C2orf81: variants seen among roughly 807,000 people sequenced by gnomAD.
C2orf81 encodes chromosome 2 open reading frame 81.
C2orf81 carries 5 observed loss-of-function variants against 7.9 expected under a neutral mutation model. The observed-to-expected ratio is 0.63, with a 90% CI of 0.33 to 1.33. The LOEUF is 1.33. Among genes scored for constraint, C2orf81 ranks in the 40% most tolerant of loss-of-function variants. The pLI is 0.05. For synonymous variants in C2orf81, 346 were observed against 367.4 expected, an observed-to-expected ratio of 0.94 and a Z score of 0.66; for missense variants, 781 against 830.4, an observed-to-expected ratio of 0.94 and a Z score of 0.73.
chr2:74,417,385 G>C (rs1421006046), intron 1 of C2orf81: 1 of 1,308,730 alleles, frequency 7.6e-7, no homozygotes. Flanking sequence ...GCCTCACCTG[G>C]ACAATAGGTG....
Position 74,415,303 on chromosome 2 carries a change from GT to G in C2orf81, c.873del (p.His292ThrfsTer69). The G allele has an allele frequency of 6.4e-7, 1 of 1,550,470 alleles. No homozygotes were observed. The highest frequency in any genetic ancestry group is 1.2e-5 in the South Asian group (1 of 83,936). On this transcript the variant is annotated frameshift_variant, in exon 3 of 3. Transcript: ENST00000684111. LOFTEE classifies it low-confidence loss of function (END_TRUNC). The surrounding 1 kb of genome is among the most constrained non-coding windows in gnomAD (Gnocchi z 5.5). ...AACGACAAATGGAAGCCGAGGGGGT[GT>G]CCCCTCCCAGTTGAGGCCTGGGGGC... is the stretch of plus-strand genomic sequence containing the variant. ...VASPQASTGR[G>X]HPLGFHLSLE...
intron 1 of C2orf81, among the ~76,000 whole-genome samples, chr2:74,419,570 C>T (rs372055539): frequency 1.7e-4 from 26 of 152,200 alleles, no homozygotes; most frequent in South Asian, 8.3e-4. Context: ...TTTTCACTTC[C>T]TCAACCCTGC....
intron 1 of C2orf81, chr2:74,418,597 G>C (rs1364541922): frequency 1.6e-6 from 1 of 633,264 alleles, no homozygotes; most frequent in Non-Finnish European, 2.8e-6. Context: ...TCGCAAATGC[G>C]GATGCCTTCC....
Position 74,415,015 on chromosome 2 carries a change from G to A in C2orf81, c.1162C>T (p.Pro388Ser). 1 of 1,548,944 alleles carries A rather than the reference G, an allele frequency of 6.5e-7. No homozygotes were observed. The highest frequency in any genetic ancestry group is 8.7e-7 in the Non-Finnish European group (1 of 1,146,120). The change falls in exon 3 of 3, where the codon CCT (proline) becomes TCT (serine). Residue 388 changes from proline to serine, a missense_variant. Pro to Ser is a moderately conservative substitution (Grantham distance 74, BLOSUM62 -1). Coordinates refer to ENST00000684111, the MANE Select transcript of C2orf81 (RefSeq NM_001316764.3). The surrounding 1 kb of genome is among the most constrained non-coding windows in gnomAD (Gnocchi z 5.5). ...PARLPCHWVR[P>S]LAEVLVPDSQ... ...TCTGGGACCAGGACCTCAGCCAGAG[G>A]GCGCACCCAGTGGCACGGGAGCCTC...
intron 1 of C2orf81, 65 bp from the exon 2 acceptor site, chr2:74,416,306 G>C: frequency 8.6e-7 from 1 of 1,167,558 alleles, no homozygotes; most frequent in Non-Finnish European, 1.1e-6. Context: ...AGTAGCTATA[G>C]GCTAGGAGGA....
chr2:74,418,421 A>C, intron 1 of C2orf81: 1 of 1,575,938 alleles, frequency 6.3e-7, no homozygotes, highest in Non-Finnish European at 8.7e-7. Context: ...GGCTGGCTGG[A>C]CTTCGAGCTC....
chr2:74,416,565 C>CAAAAAAAAAAAAAAAAAAAAAAAA (rs59349435), intron 1 of C2orf81: 15 of 52,156 alleles, frequency 2.9e-4, no homozygotes, highest in East Asian at 5.3e-4. Context: ...GACTGCGTCT[C>CAAAAAAAAAAAAAAAAAAAAAAAA]AAAAAAAAAA....
chr2:74,416,387 T>C (rs544514400), intron 1 of C2orf81, 146 bp from the exon 2 acceptor site: 52 of 410,050 alleles, frequency 1.3e-4, no homozygotes, highest in Non-Finnish European at 2.1e-4. Context: ...GACAGATACT[T>C]AGTAGATGTT....
At chr2:74,416,414 A>T (rs1212482308) in intron 1 of C2orf81, 173 bp from the exon 2 acceptor site, 5 of 365,970 alleles carry the variant, frequency 1.4e-5, no homozygotes, top group Non-Finnish European at 2.6e-5. Flanking sequence ...AATAATTTTC[A>T]TTAACAGCCC....
Position 74,414,530 on chromosome 2 carries a change from G to C in C2orf81, c.1647C>G (p.Val549=). 1 of 1,544,314 alleles carries C rather than the reference G, an allele frequency of 6.5e-7. No individual in the cohort carries two copies. Among genetic ancestry groups the C allele is most frequent in the Non-Finnish European group, 8.8e-7 (1 of 1,142,156 alleles). The part of the protein sequence containing the change: ...PGRWPRTTPP[V]LEATSQVMWK... ...ACATCACCTGGGAAGTGGCTTCAAG[G>C]ACCGGGGGTGTGGTTCGAGGCCATC... Residue 549 remains valine (V), a synonymous_variant, in exon 3 of 3, where the codon GTC becomes GTG. Transcript: ENST00000684111. This position sits in a 1 kb window ranked among gnomAD's most constrained non-coding sequence, Gnocchi z 5.3.
chr2:74,420,148 T>A (rs188554007), intron 1 of C2orf81, among the ~76,000 whole-genome samples: 3 of 152,326 alleles, frequency 2.0e-5, no homozygotes, highest in Admixed American at 1.3e-4. Flanking sequence ...ACACATCAAT[T>A]ATGATCTCAT....
At chr2:74,419,615 T>A (rs187677787) in intron 1 of C2orf81, among the ~76,000 whole-genome samples, 7 of 152,336 alleles carry the variant, frequency 4.6e-5, no homozygotes. Context: ...AAAAGGCATT[T>A]TCTGAAATGA....
At position 74,414,936 on chromosome 2, in the gene C2orf81, G is replaced by T. The variant is rs985492592; in HGVS notation, c.1241C>A (p.Thr414Asn). ...AYRGRQRGEK[T>N]KARAEPQALG... ...GGCTTGGGGTTCGGCCCGGGCCTTG[G>T]TCTTCTCGCCCCGCTGGCGTCCGCG... Residue 414 changes from threonine to asparagine, a missense_variant, in exon 3 of 3, where the codon ACC becomes AAC. Coordinates refer to ENST00000684111, the MANE Select transcript of C2orf81 (RefSeq NM_001316764.3). The surrounding 1 kb of genome is among the most constrained non-coding windows in gnomAD (Gnocchi z 5.3). 7 of 1,545,992 alleles carry T rather than the reference G, an allele frequency of 4.5e-6. No homozygotes were observed. Among genetic ancestry groups the T allele is most frequent in the Non-Finnish European group, 6.1e-6 (7 of 1,144,174 alleles).
chr2:74,415,346 A>G lies in C2orf81; in HGVS notation c.831T>C (p.Asp277=). The G allele has an allele frequency of 1.3e-6, 2 of 1,529,306 alleles. No homozygotes were observed. Among genetic ancestry groups the G allele is most frequent in the Admixed American group, 4.2e-5 (2 of 48,174 alleles). The allele number at this position is 1,529,306 out of a possible 1,614,324, so 94.7% of individuals were successfully genotyped here. A position where few individuals can be genotyped will look rare whatever the true frequency, so the allele number is the denominator to read the frequency against. ...APADDADPSL[D]PYLVASPQAS... ...CCTGGGGGCTGGCTACCAGGTACGG[A>G]TCCAGAGAAGGGTCGGCATCGTCGG... Residue 277 remains aspartate, a synonymous_variant, in exon 3 of 3, where the codon GAT becomes GAC. Transcript: ENST00000684111. This position sits in a 1 kb window ranked among gnomAD's most constrained non-coding sequence, Gnocchi z 5.5.
chr2:74,419,671 A>C (rs1234465826), intron 1 of C2orf81, among the ~76,000 whole-genome samples: 1 of 152,274 alleles, frequency 6.6e-6, no homozygotes, highest in African/African-American at 2.4e-5. Context: ...TATTTTTATA[A>C]TAGCAGAATA....
intron 1 of C2orf81, chr2:74,418,082 G>T: frequency 1.6e-6 from 1 of 627,106 alleles, no homozygotes; most frequent in East Asian, 3.3e-5. Context: ...GGAGGTGGGG[G>T]GTTGGGAGCA....
In C2orf81 at chr2:74,415,640, G is replaced by C; in HGVS notation, c.537C>G (p.His179Gln). 1 of 1,551,186 alleles carries C rather than the reference G, an allele frequency of 6.4e-7. No homozygotes were observed. Among genetic ancestry groups the C allele is most frequent in the Non-Finnish European group, 8.7e-7 (1 of 1,146,994 alleles). Residue 179 changes from histidine (H) to glutamine (Q), a missense_variant, in exon 3 of 3, where the codon CAC (histidine) becomes CAG (glutamine). Transcript: ENST00000684111. This position sits in a 1 kb window ranked among gnomAD's most constrained non-coding sequence, Gnocchi z 5.5. ...IAPALPFPTS[H>Q]CPSAFPQDPG... The stretch of plus-strand genomic sequence containing the variant: ...GGTCCTGGGGAAATGCACTCGGGCA[G>C]TGAGATGTCGGAAAGGGGAGAGCAG...
chr2:74,414,529 G>A lies in C2orf81; in HGVS notation c.1648C>T (p.Leu550Phe). ...CACATCACCTGGGAAGTGGCTTCAA[G>A]GACCGGGGGTGTGGTTCGAGGCCAT... ...GRWPRTTPPV[L>F]EATSQVMWKP... The change falls in exon 3 of 3, where the codon CTT becomes TTT. Residue 550 changes from leucine to phenylalanine, a missense_variant. Physicochemically the swap from Leu to Phe is conservative, Grantham distance 22 (BLOSUM62 0). Transcript: ENST00000684111. This position sits in a 1 kb window ranked among gnomAD's most constrained non-coding sequence, Gnocchi z 5.3. 1 of 1,544,244 alleles carries A rather than the reference G, an allele frequency of 6.5e-7. No individual in the cohort carries two copies. The highest frequency in any genetic ancestry group is 8.8e-7 in the Non-Finnish European group (1 of 1,142,128).
intron 1 of C2orf81, chr2:74,418,521 C>A (rs1281302624): frequency 8.7e-6 from 8 of 914,558 alleles, no homozygotes; most frequent in Non-Finnish European, 1.4e-5. Context: ...GTGCATGCTC[C>A]GGTTTGCCGG....
Sources: allele counts gnomAD v4.1 joint callset (sites outside exome capture counted in the v4.1 genomes callset), GRCh38; gene constraint gnomAD v4.1.1; non-coding constraint Gnocchi (gnomAD v3.1); transcripts MANE v1.5; gene names NCBI Gene and HGNC (gene_info 2026-07-23, HGNC 2026-07-21).